The following LRBA variants were observed in gnomAD, a reference collection of about 807,000 sequenced individuals.
LRBA encodes LPS responsive beige-like anchor protein, also known as lipopolysaccharide-responsive and beige-like anchor protein.
In LRBA, 176 loss-of-function variants were observed where a neutral mutation model predicts 330.0. The ratio of observed to expected loss-of-function variants is 0.53; its 90% CI spans 0.47 to 0.60. LRBA has a LOEUF of 0.60. Ranked by LOEUF, LRBA falls within the 20% of genes least tolerant of loss-of-function variation. LRBA has a pLI of 0.00. For synonymous variants in LRBA, 1,230 were observed against 1,193.0 expected, an observed-to-expected ratio of 1.03 and a Z score of -0.64; for missense variants, 3,259 against 3,444.8, an observed-to-expected ratio of 0.95 and a Z score of 1.35.
chr4:150,713,506 G>A (rs1345866759), intron 36 of LRBA, among the ~76,000 whole-genome samples: 1 of 152,180 alleles, frequency 6.6e-6, no homozygotes, highest in African/African-American at 2.4e-5. Context: ...CCAGGAGATT[G>A]ATTTTCAAAC....
intron 2 of LRBA, among the ~76,000 whole-genome samples, chr4:151,003,045 C>CGTGTGTGTGT (rs35823392): frequency 1.0e-4 from 15 of 147,312 alleles, no homozygotes; most frequent in African/African-American, 3.5e-4. Flanking sequence ...TATGTGTTTG[C>CGTGTGTGTGT]GTGTGTGTGT....
chr4:150,622,846 C>T (rs917058818), intron 37 of LRBA, among the ~76,000 whole-genome samples: 1 of 151,948 alleles, frequency 6.6e-6, no homozygotes, highest in Non-Finnish European at 1.5e-5. Context: ...TACAGGCGCC[C>T]GCCACCGCGC....
chr4:150,440,954 C>T (rs1334299497), intron 44 of LRBA, among the ~76,000 whole-genome samples: 7 of 151,916 alleles, frequency 4.6e-5, no homozygotes, highest in Admixed American at 3.9e-4. Flanking sequence ...ATAATGATAT[C>T]TTTCAAAACA....
Position 150,828,325 on chromosome 4 carries a change from C to T in LRBA, c.5026G>A (p.Val1676Ile), listed in dbSNP as rs199597592. Reference sequence around the variant, plus strand: ...CTTCGGAGAATGTCTTTCACATTGACGTTTTTTGAAACTGAAACTGACGGT... The same window carrying T: ...CTTCGGAGAATGTCTTTCACATTGATGTTTTTTGAAACTGAAACTGACGGT... ...ATPSVSVSKN[V>I]NVKDILRSLV... Residue 1676 changes from valine to isoleucine, a missense_variant, in exon 30 of 57, where the codon GTC becomes ATC. Physicochemically the swap from Val to Ile is conservative, Grantham distance 29 (BLOSUM62 3). Coordinates refer to ENST00000651943, the MANE Select transcript of LRBA (RefSeq NM_001364905.1). 1.7e-5 allele frequency: 27 copies of T among 1,614,120 alleles called. No individual in the cohort carries two copies. The highest frequency in any genetic ancestry group is 1.6e-4 in the Middle Eastern group (1 of 6,062).
chr4:150,712,098 A>T (rs1786277633), intron 36 of LRBA, among the ~76,000 whole-genome samples: 1 of 152,244 alleles, frequency 6.6e-6, no homozygotes, highest in South Asian at 2.1e-4. Context: ...TTAAAAGAGC[A>T]GAACATAAAG....
intron 40 of LRBA, among the ~76,000 whole-genome samples, chr4:150,496,232 TC>T (rs1391126430): frequency 6.6e-6 from 1 of 152,174 alleles, no homozygotes; most frequent in East Asian, 1.9e-4. Context: ...GAAAATTGCT[TC>T]ACTTTGTTGC....
intron 2 of LRBA, among the ~76,000 whole-genome samples, chr4:150,949,049 C>A (rs545148429): frequency 2.0e-5 from 3 of 150,406 alleles, no homozygotes; most frequent in Non-Finnish European, 4.4e-5. Context: ...AAAAAAAAAA[C>A]TAAATATGCA....
intron 34 of LRBA, among the ~76,000 whole-genome samples, chr4:150,775,166 G>A (rs1196888077): frequency 2.0e-5 from 3 of 152,094 alleles, no homozygotes; most frequent in African/African-American, 4.8e-5. Flanking sequence ...CATAAGGTCT[G>A]ATCTACAAAG....
chr4:150,860,329 T>C (rs560089297), intron 22 of LRBA, among the ~76,000 whole-genome samples: 3 of 152,292 alleles, frequency 2.0e-5, no homozygotes, highest in South Asian at 4.1e-4. Context: ...AAGTATACTT[T>C]GACAGCAAAA....
At chr4:150,909,254 ACT>A (rs1731698882) in intron 9 of LRBA, among the ~76,000 whole-genome samples, 2 of 152,024 alleles carry the variant, frequency 1.3e-5, no homozygotes, top group South Asian at 4.1e-4. Context: ...CAAAACTGAA[ACT>A]CTGTAGCCAT....
intron 42 of LRBA, among the ~76,000 whole-genome samples, chr4:150,473,632 A>G (rs1756397301): frequency 6.6e-6 from 1 of 151,994 alleles, no homozygotes; most frequent in South Asian, 2.1e-4. Context: ...TCTGTCCTTC[A>G]CTTCTTACCC....
intron 39 of LRBA, among the ~76,000 whole-genome samples, chr4:150,589,944 T>C (rs187038995): frequency 3.8e-4 from 58 of 152,288 alleles, no homozygotes; most frequent in African/African-American, 1.4e-3. Flanking sequence ...TTTTTGCTTT[T>C]CATTACCAAG....
chr4:150,305,814 G>A (rs1454313126), intron 52 of LRBA, among the ~76,000 whole-genome samples: 2 of 151,962 alleles, frequency 1.3e-5, no homozygotes, highest in Non-Finnish European at 2.9e-5. Flanking sequence ...TCCTGTTCTG[G>A]CAGCCTTCCT....
At position 150,321,121 on chromosome 4, in the gene LRBA, G is replaced by A. The variant is rs754950369; in HGVS notation, c.7630+70C>T. On this transcript the variant is annotated intron_variant, in intron 50 of 56. Transcript: ENST00000651943. The surrounding 1 kb of genome is among the most constrained non-coding windows in gnomAD (Gnocchi z 4.5). ...ATTAAAAGCTTAAATGTTGAGATATGCTATATTTAAGTGGGTATTACACAG... is the reference window on the plus strand; with the variant it reads ...ATTAAAAGCTTAAATGTTGAGATATACTATATTTAAGTGGGTATTACACAG... 7.2e-6 allele frequency: 9 copies of A among 1,254,542 alleles called. No individual in the cohort carries two copies. The highest frequency in any genetic ancestry group is 1.6e-5 in the African/African-American group (1 of 64,160). 77.7% of individuals were successfully genotyped at this position (1,254,542 alleles called of 1,614,324 possible). A position where few individuals can be genotyped will look rare whatever the true frequency, so the allele number is the denominator to read the frequency against.
At chr4:150,854,003 T>C (rs1410878382) in intron 22 of LRBA, among the ~76,000 whole-genome samples, 3 of 152,078 alleles carry the variant, frequency 2.0e-5, no homozygotes, top group African/African-American at 4.8e-5. Flanking sequence ...CTGATTTTTT[T>C]ATCCACAAAA....
intron 36 of LRBA, among the ~76,000 whole-genome samples, chr4:150,687,873 C>T (rs976243316): frequency 6.6e-6 from 1 of 152,108 alleles, no homozygotes; most frequent in African/African-American, 2.4e-5. Context: ...AATGGCCATA[C>T]TATCCAAATT....
chr4:150,275,032 AAAATACTGGCAAACC>A (rs1463523715), intron 56 of LRBA, among the ~76,000 whole-genome samples: 1 of 152,232 alleles, frequency 6.6e-6, no homozygotes, highest in Non-Finnish European at 1.5e-5. Context: ...AATCCTCAAT[AAAATACTGGCAAACC>A]AAATCCAGGA....
chr4:150,847,184 A>G (rs1359619194), intron 26 of LRBA, among the ~76,000 whole-genome samples: 1 of 152,122 alleles, frequency 6.6e-6, no homozygotes, highest in Non-Finnish European at 1.5e-5. Context: ...AAGTTTCCCA[A>G]TTTCTTTTAT....
At chr4:150,701,287 T>C (rs1457871474) in intron 36 of LRBA, among the ~76,000 whole-genome samples, 1 of 152,196 alleles carries the variant, frequency 6.6e-6, no homozygotes, top group Admixed American at 6.5e-5. Context: ...TGACTGAGGC[T>C]GTTCTACAGT....
Sources: allele counts gnomAD v4.1 joint callset (sites outside exome capture counted in the v4.1 genomes callset), GRCh38; gene constraint gnomAD v4.1.1; non-coding constraint Gnocchi (gnomAD v3.1); transcripts MANE v1.5; gene names NCBI Gene and HGNC (gene_info 2026-07-23, HGNC 2026-07-21).